FGF12: variants seen among roughly 807,000 people sequenced by gnomAD.
The protein encoded by FGF12 is fibroblast growth factor 12B.
Under a neutral mutation model 23.6 loss-of-function variants are expected in FGF12, and 14 were observed. That is an observed-to-expected ratio of 0.59 (90% CI 0.39 to 0.93). The LOEUF (loss-of-function observed/expected upper bound fraction) is 0.93, where lower values mean the gene tolerates loss of function less well. Among genes scored for constraint, FGF12 ranks in the 40% least tolerant of loss-of-function variants. The pLI, the probability that FGF12 is intolerant of heterozygous loss-of-function variation, is 0.00. For missense variants in FGF12, 175 were observed against 217.8 expected (o/e 0.80, Z 1.24); for synonymous variants, 62 against 77.3 (o/e 0.80, Z 1.04).
intron 4 of FGF12, among the ~76,000 whole-genome samples, chr3:192,326,673 C>T (rs959582575): frequency 6.6e-6 from 1 of 152,180 alleles, no homozygotes; most frequent in Non-Finnish European, 1.5e-5. Context: ...AAAGCCATCA[C>T]AAACAAGGTG....
chr3:192,227,597 A>G (rs1718805614), intron 4 of FGF12, among the ~76,000 whole-genome samples: 1 of 151,238 alleles, frequency 6.6e-6, no homozygotes, highest in Non-Finnish European at 1.5e-5. Context: ...AAAAAAAAAA[A>G]AGAAAAAAGA....
chr3:192,455,053 T>C (rs756134958), intron 2 of FGF12, among the ~76,000 whole-genome samples: 5 of 152,166 alleles, frequency 3.3e-5, no homozygotes, highest in Non-Finnish European at 5.9e-5. Context: ...TGGTGAGAAA[T>C]TTACTTTTAC....
intron 4 of FGF12, among the ~76,000 whole-genome samples, chr3:192,324,529 A>G (rs1001567183): frequency 1.3e-5 from 2 of 152,212 alleles, no homozygotes; most frequent in Non-Finnish European, 2.9e-5. Context: ...TAATCCTTAC[A>G]CAATTCTATA....
rs944506482 is a variant in FGF12, at chr3:192,140,941, G to A, written c.*3068C>T. ...TCTGCGAGCTTAAAAATCAAGTAAG[G>A]TGTATTGACCAGAAAGCTATTTTGT... On this transcript the variant is annotated 3_prime_UTR_variant, in exon 6 of 6. Coordinates refer to ENST00000445105, the MANE Select transcript of FGF12 (RefSeq NM_004113.6). 4.6e-5 allele frequency: 7 copies of A among 151,650 alleles called. No individual in the cohort carries two copies. Among genetic ancestry groups the A allele is most frequent in the South Asian group, 2.1e-4 (1 of 4,818 alleles). 9.4% of individuals were successfully genotyped at this position (151,650 alleles called of 1,614,324 possible).
At chr3:192,434,304 TTTTCCTTG>T (rs1721950740) in intron 2 of FGF12, among the ~76,000 whole-genome samples, 1 of 152,150 alleles carries the variant, frequency 6.6e-6, no homozygotes, top group South Asian at 2.1e-4. Flanking sequence ...GGACATCAGC[TTTTCCTTG>T]AAAAACTGAG....
chr3:192,577,026 G>GA (rs779255268), intron 2 of FGF12, among the ~76,000 whole-genome samples: 1 of 152,106 alleles, frequency 6.6e-6, no homozygotes, highest in Non-Finnish European at 1.5e-5. Context: ...GGGACACAGG[G>GA]AGGGAACATC....
intron 5 of FGF12, 145 bp downstream of exon 5, chr3:192,170,313 T>G: frequency 1.6e-6 from 1 of 612,326 alleles, no homozygotes. Context: ...GAAGAGATAC[T>G]ATTGTGTTCT....
Position 192,607,865 on chromosome 3 carries a change from A to AAAG in FGF12, c.13+119313_13+119315dup, listed in dbSNP as rs1164034773. Among the ~76,000 whole-genome samples the AAAG allele has an allele frequency of 7.3e-4, 100 of 137,288 alleles. 6 individuals carry two copies. Among genetic ancestry groups the AAAG allele is most frequent in the Middle Eastern group, 3.6e-3 (1 of 274 alleles). 90.1% of individuals were successfully genotyped at this position (137,288 alleles called of 152,430 possible). The stretch of plus-strand genomic sequence containing the variant: ...GAAAATTAAAAAAAAAAAAAAAAAA[A>AAAG]AAGAAGAAGAAGAATAGTTAACATT... On this transcript the variant is annotated intron_variant, in intron 2 of 5. Transcript: ENST00000445105.
At chr3:192,167,770 A>ATATAT (rs1421281367) in intron 5 of FGF12, among the ~76,000 whole-genome samples, 599 of 9,022 alleles carry the variant, frequency 0.066, 57 homozygotes, top group South Asian at 0.095. Context: ...TATATATATA[A>ATATAT]AATTTTTTTT....
chr3:192,253,824 A>G (rs116268289), intron 4 of FGF12, among the ~76,000 whole-genome samples: 323 of 152,224 alleles, frequency 2.1e-3, no homozygotes, highest in Non-Finnish European at 3.5e-3. Flanking sequence ...TATTGTTAAC[A>G]TAAGATTTGT....
chr3:192,423,380 C>T (rs537761819), intron 2 of FGF12, among the ~76,000 whole-genome samples: 20 of 152,074 alleles, frequency 1.3e-4, no homozygotes, highest in Non-Finnish European at 2.8e-4. Context: ...TCTAGAAGAG[C>T]GACTTAACAC....
chr3:192,510,870 A>C (rs1276238572), intron 2 of FGF12, among the ~76,000 whole-genome samples: 1 of 152,248 alleles, frequency 6.6e-6, no homozygotes, highest in African/African-American at 2.4e-5. Context: ...AAGTCAATAT[A>C]AAAAGGCTAC....
intron 4 of FGF12, among the ~76,000 whole-genome samples, chr3:192,200,026 C>T (rs1390761675): frequency 6.6e-6 from 1 of 151,788 alleles, no homozygotes; most frequent in Non-Finnish European, 1.5e-5. Flanking sequence ...ATCAAAACAG[C>T]AATAGAAAGG....
intron 4 of FGF12, among the ~76,000 whole-genome samples, chr3:192,172,629 A>C (rs371449589): frequency 6.6e-6 from 1 of 150,872 alleles, no homozygotes; most frequent in East Asian, 1.9e-4. Flanking sequence ...ATAGTTTAAA[A>C]ATGGACATGA....
intron 4 of FGF12, among the ~76,000 whole-genome samples, chr3:192,262,797 C>T (rs1560040986): frequency 6.6e-6 from 1 of 151,234 alleles, no homozygotes. Flanking sequence ...TTTTTTTTTC[C>T]AATCAAGTGC....
chr3:192,465,459 C>T (rs1722983145), intron 2 of FGF12, among the ~76,000 whole-genome samples: 1 of 152,154 alleles, frequency 6.6e-6, no homozygotes, highest in Non-Finnish European at 1.5e-5. Context: ...ATTATCTTGA[C>T]TGTGCAGAAA....
chr3:192,616,291 G>A (rs570808519), intron 2 of FGF12, among the ~76,000 whole-genome samples: 10 of 152,070 alleles, frequency 6.6e-5, no homozygotes, highest in Middle Eastern at 3.4e-3. Flanking sequence ...ACAAATAAAC[G>A]TAGTATGTCT....
At chr3:192,539,814 T>C (rs1245850523) in intron 2 of FGF12, among the ~76,000 whole-genome samples, 1 of 152,094 alleles carries the variant, frequency 6.6e-6, no homozygotes, top group Non-Finnish European at 1.5e-5. Flanking sequence ...ACTACTGCTT[T>C]GATCTGCTTA....
intron 4 of FGF12, among the ~76,000 whole-genome samples, chr3:192,214,315 G>A (rs1718082972): frequency 6.6e-6 from 1 of 152,192 alleles, no homozygotes; most frequent in African/African-American, 2.4e-5. Flanking sequence ...AGAGAACCCA[G>A]AACCAAAGCT....
Sources: allele counts gnomAD v4.1 joint callset (sites outside exome capture counted in the v4.1 genomes callset), GRCh38; gene constraint gnomAD v4.1.1; transcripts MANE v1.5; gene names NCBI Gene and HGNC (gene_info 2026-07-23, HGNC 2026-07-21).